The following ZNF74 variants were observed in gnomAD, a reference collection of about 807,000 sequenced individuals.
The protein encoded by ZNF74 is zinc finger protein 74.
In ZNF74, 12 loss-of-function variants were observed where a neutral mutation model predicts 17.7. That is an observed-to-expected ratio of 0.68 (90% CI 0.43 to 1.10). The LOEUF is 1.10. Among genes scored for constraint, ZNF74 ranks in the 50% least tolerant of loss-of-function variants. ZNF74 has a pLI of 0.00. For missense variants in ZNF74, 811 were observed against 881.0 expected (o/e 0.92, Z 1.01); for synonymous variants, 358 against 362.1 (o/e 0.99, Z 0.13).
intron 2 of ZNF74, among the ~76,000 whole-genome samples, chr22:20,396,949 C>T (rs930635518): frequency 2.6e-5 from 4 of 152,166 alleles, no homozygotes; most frequent in African/African-American, 4.8e-5. Context: ...AAGGCCTGTG[C>T]GGGCCTCAGA....
At position 20,401,769 on chromosome 22, in the gene ZNF74, CGTCAGGGTCAGAGCCAGCATCAGT is replaced by C. The variant is rs1285428920; in HGVS notation, c.343+405_343+428del. 4.6e-5 allele frequency among the ~76,000 whole-genome samples: 7 copies of C among 151,964 alleles called. No individual in the cohort carries two copies. Among genetic ancestry groups the C allele is most frequent in the African/African-American group, 1.7e-4 (7 of 41,336 alleles). ...GCATCAGCATCAGGGCCAGCGTCAG[CGTCAGGGTCAGAGCCAGCATCAGT>C]GTCAGGGCCAGCGTGAGCATCAGCA... is the stretch of plus-strand genomic sequence containing the variant. On this transcript the variant is annotated intron_variant, in intron 4 of 4. Coordinates refer to ENST00000400451, the MANE Select transcript of ZNF74 (RefSeq NM_003426.4). The surrounding 1 kb of genome is among the most constrained non-coding windows in gnomAD (Gnocchi z 4.2).
chr22:20,402,059 T>TA (rs910368878), intron 4 of ZNF74, among the ~76,000 whole-genome samples: 5 of 152,224 alleles, frequency 3.3e-5, no homozygotes, highest in African/African-American at 9.6e-5. Context: ...AGTTGGTTGA[T>TA]AAATAAGTGG....
At chr22:20,402,957 G>A (rs2052375845) in intron 4 of ZNF74, among the ~76,000 whole-genome samples, 1 of 152,152 alleles carries the variant, frequency 6.6e-6, no homozygotes, top group South Asian at 2.1e-4. Flanking sequence ...GTGTGACAGA[G>A]CTAAACTCCA....
At position 20,394,351 on chromosome 22, in the gene ZNF74, G is replaced by A; in HGVS notation, c.-278G>A. On this transcript the variant is annotated 5_prime_UTR_variant, in exon 1 of 5. It adds an upstream start codon to the 5' untranslated region. Coordinates refer to ENST00000400451, the MANE Select transcript of ZNF74 (RefSeq NM_003426.4). ...CGAGCGCGGGTTCGCCGGGAGGAGCGTGTGGCGGGGGTGTGCCGGGGCGTG... is the reference window on the plus strand; with the variant it reads ...CGAGCGCGGGTTCGCCGGGAGGAGCATGTGGCGGGGGTGTGCCGGGGCGTG... 1 of 692,492 alleles carries A rather than the reference G, an allele frequency of 1.4e-6. No individual in the cohort carries two copies. 42.9% of individuals were successfully genotyped at this position (692,492 alleles called of 1,614,324 possible).
chr22:20,403,076 G>T (rs958785652), intron 4 of ZNF74, among the ~76,000 whole-genome samples: 2 of 152,170 alleles, frequency 1.3e-5, no homozygotes, highest in Admixed American at 6.5e-5. Context: ...CTCACGTGAT[G>T]TTTACTGATT....
chr22:20,394,692 C>A, intron 1 of ZNF74, 30 bp downstream of exon 1: 1 of 1,612,546 alleles, frequency 6.2e-7, no homozygotes, highest in Non-Finnish European at 8.5e-7. Context: ...GTCAGTATGT[C>A]TGTGGATTTG....
In ZNF74 at chr22:20,406,723, A is replaced by G. The variant is rs771667673; in HGVS notation, c.1690A>G (p.Met564Val). The G allele has an allele frequency of 3.1e-6, 5 of 1,614,096 alleles. No individual in the cohort carries two copies. In the South Asian group the frequency reaches 4.4e-5, roughly 14 times the overall value. ...GTTTAAGTGTGAGAAATGTGGGGAG[A>G]TGTTCAACTGGAGCTCGCACCTCAC... Reference protein sequence around the residue: ...KSFKCEKCGEMFNWSSHLTEH... With the variant: ...KSFKCEKCGEVFNWSSHLTEH... Residue 564 changes from methionine to valine, a missense_variant, in exon 5 of 5, where the codon ATG becomes GTG. Physicochemically the swap from Met to Val is conservative, Grantham distance 21 (BLOSUM62 1). Transcript: ENST00000400451.
At position 20,394,177 on chromosome 22, in the gene ZNF74, G is replaced by T; in HGVS notation, c.-452G>T. On this transcript the variant is annotated 5_prime_UTR_variant, in exon 1 of 5. Transcript: ENST00000400451. The stretch of plus-strand genomic sequence containing the variant: ...CAGCGGCCGCCTGCTGCTCTTTGTG[G>T]CAGTCGCAGTCCTTTTGTGGGAGTC... 1.6e-6 allele frequency: 1 copy of T among 631,540 alleles called. No individual in the cohort carries two copies. The allele number at this position is 631,540 out of a possible 1,614,324, so 39.1% of individuals were successfully genotyped here. A position where few individuals can be genotyped will look rare whatever the true frequency, so the allele number is the denominator to read the frequency against.
chr22:20,394,945 G>A, intron 1 of ZNF74: 1 of 487,848 alleles, frequency 2.0e-6, no homozygotes, highest in Non-Finnish European at 3.7e-6. Flanking sequence ...ATTTTTAGTA[G>A]AGACGGGGTT....
At chr22:20,395,585 C>T (rs530072115) in intron 2 of ZNF74, among the ~76,000 whole-genome samples, 167 bp downstream of exon 2, 4 of 152,260 alleles carry the variant, frequency 2.6e-5, no homozygotes, top group East Asian at 3.9e-4. Context: ...AGATGTTGCC[C>T]GAGGTGTGCC....
chr22:20,399,359 C>T (rs992762019), intron 2 of ZNF74, among the ~76,000 whole-genome samples: 1 of 148,244 alleles, frequency 6.7e-6, no homozygotes, highest in African/African-American at 2.5e-5. Flanking sequence ...ATCTACTTTG[C>T]TATTACTATA....
At position 20,394,483 on chromosome 22, in the gene ZNF74, C is replaced by T; in HGVS notation, c.-146C>T. 2 of 783,408 alleles carry T rather than the reference C, an allele frequency of 2.6e-6. No individual in the cohort carries two copies. The highest frequency in any genetic ancestry group is 4.2e-6 in the Non-Finnish European group (2 of 476,932). 48.5% of individuals were successfully genotyped at this position (783,408 alleles called of 1,614,324 possible). A position where few individuals can be genotyped will look rare whatever the true frequency, so the allele number is the denominator to read the frequency against. ...GGGGAGGGGGCTCCGTGCGTGTGAT[C>T]GTGCAGCTGTGAGCGCGTGGCCGCC... On this transcript the variant is annotated 5_prime_UTR_variant, in exon 1 of 5. Coordinates refer to ENST00000400451, the MANE Select transcript of ZNF74 (RefSeq NM_003426.4).
At chr22:20,405,063 C>T (rs985219363) in intron 4 of ZNF74, among the ~76,000 whole-genome samples, 4 of 152,218 alleles carry the variant, frequency 2.6e-5, no homozygotes, top group African/African-American at 9.6e-5. Context: ...TCATCAACAG[C>T]TCCCAAGCTT....
chr22:20,406,931 G>T lies in ZNF74; in HGVS notation c.1898G>T (p.Gly633Val), dbSNP rs762834276. The T allele has an allele frequency of 3.1e-6, 5 of 1,613,504 alleles. No homozygotes were observed. Residue 633 changes from glycine to valine, a missense_variant, in exon 5 of 5, where the codon GGC (glycine) becomes GTC (valine). Gly to Val is a moderately radical substitution (Grantham distance 109, BLOSUM62 -3). This residue lies in a region of ZNF74 where 115 missense variants were observed against 119.5 expected (regional missense o/e 0.96). Transcript: ENST00000400451. ...TTGTGCGTGGTTCCCCCCAGAGCTG[G>T]CAGGAATTTCTCCCTGGGGAGCAAA... ...KLLCVVPPRAGRNFSLGSKPR... is the reference protein window; with the variant it reads ...KLLCVVPPRAVRNFSLGSKPR...
Position 20,394,156 on chromosome 22 carries a change from G to C in ZNF74, c.-473G>C, listed in dbSNP as rs537411178. On this transcript the variant is annotated 5_prime_UTR_variant, in exon 1 of 5. Coordinates refer to ENST00000400451, the MANE Select transcript of ZNF74 (RefSeq NM_003426.4). ...TCGCGCAGGCGCGCTTTCCCGCAGCGGCCGCCTGCTGCTCTTTGTGGCAGT... is the reference window on the plus strand; with the variant it reads ...TCGCGCAGGCGCGCTTTCCCGCAGCCGCCGCCTGCTGCTCTTTGTGGCAGT... The C allele has an allele frequency of 5.0e-6, 3 of 597,954 alleles. No homozygotes were observed. The highest frequency in any genetic ancestry group is 9.0e-6 in the Non-Finnish European group (3 of 333,066). 37.0% of individuals were successfully genotyped at this position (597,954 alleles called of 1,614,324 possible). A position where few individuals can be genotyped will look rare whatever the true frequency, so the allele number is the denominator to read the frequency against.
Position 20,405,465 on chromosome 22 carries a change from C to T in ZNF74, c.432C>T (p.Gly144=), listed in dbSNP as rs573923137. The stretch of plus-strand genomic sequence containing the variant: ...AGCCCATCATGGAGCGGCCCCTCGG[C>T]GGGGCGCAGGCGTGGGGGCGCCAGG... ...AQEPIMERPL[G]GAQAWGRQAG... The change falls in exon 5 of 5, where the codon GGC becomes GGT. Residue 144 remains glycine (G), a synonymous_variant. Transcript: ENST00000400451. The T allele has an allele frequency of 3.1e-4, 504 of 1,612,092 alleles. 6 individuals carry two copies. In the South Asian group the frequency reaches 5.2e-3, roughly 17 times the overall value.
Position 20,405,485 on chromosome 22 carries a change from G to T in ZNF74, c.452G>T (p.Arg151Leu). ...CTCGGCGGGGCGCAGGCGTGGGGGCGCCAGGCAGGTGCTCTGCAGAGGAGT... is the reference window on the plus strand; with the variant it reads ...CTCGGCGGGGCGCAGGCGTGGGGGCTCCAGGCAGGTGCTCTGCAGAGGAGT... Reference protein sequence around the residue: ...RPLGGAQAWGRQAGALQRSQA... With the variant: ...RPLGGAQAWGLQAGALQRSQA... Residue 151 changes from arginine (R) to leucine (L), a missense_variant, in exon 5 of 5, where the codon CGC becomes CTC. Around this residue, in one of 3 missense-constraint regions of ZNF74, gnomAD observed 666 missense variants for 702.3 expected, o/e 0.95. Coordinates refer to ENST00000400451, the MANE Select transcript of ZNF74 (RefSeq NM_003426.4). 1 of 1,608,020 alleles carries T rather than the reference G, an allele frequency of 6.2e-7. No homozygotes were observed. The highest frequency in any genetic ancestry group is 8.5e-7 in the Non-Finnish European group (1 of 1,178,184).
chr22:20,405,456 G>A lies in ZNF74; in HGVS notation c.423G>A (p.Arg141=), dbSNP rs768827981. 6.2e-6 allele frequency: 10 copies of A among 1,612,904 alleles called. No individual in the cohort carries two copies. Among genetic ancestry groups the A allele is most frequent in the Non-Finnish European group, 8.5e-6 (10 of 1,179,692 alleles). The part of the protein sequence containing the change: ...EEPAQEPIME[R]PLGGAQAWGR... ...CGGCCCAGGAGCCCATCATGGAGCG[G>A]CCCCTCGGCGGGGCGCAGGCGTGGG... The change falls in exon 5 of 5, where the codon CGG becomes CGA. Residue 141 remains arginine, a synonymous_variant. Coordinates refer to ENST00000400451, the MANE Select transcript of ZNF74 (RefSeq NM_003426.4).
intron 1 of ZNF74, 142 bp downstream of exon 1, chr22:20,394,804 C>T (rs969394080): frequency 1.3e-5 from 10 of 794,758 alleles, no homozygotes; most frequent in African/African-American, 1.2e-4. Context: ...GTCACCCAGG[C>T]GGGAGTGGTG....
Sources: gnomAD v4.1 joint callset for allele counts (sites outside exome capture counted in the v4.1 genomes callset) on GRCh38, gnomAD v4.1.1 for gene constraint, gnomAD v4.1.1 regional missense constraint, Gnocchi (gnomAD v3.1) non-coding constraint, MANE v1.5 for transcripts, NCBI Gene and HGNC (gene_info 2026-07-23, HGNC 2026-07-21) for gene names.